The following ADGRD1 variants were observed in gnomAD, a reference collection of about 807,000 sequenced individuals.
The protein encoded by ADGRD1 is adhesion G protein-coupled receptor D1, also known as G-protein coupled receptor 133.
A neutral mutation model predicts 113.4 loss-of-function variants in ADGRD1; 77 were observed. The observed-to-expected ratio is 0.68, with a 90% CI of 0.57 to 0.82. ADGRD1 has a LOEUF of 0.82. ADGRD1 is among the 40% of genes least tolerant of loss of function. ADGRD1 has a pLI of 0.00. For synonymous variants in ADGRD1, 474 were observed against 475.0 expected (o/e 1.00, Z 0.03); for missense variants, 1,036 against 1,139.1 (o/e 0.91, Z 1.30).
intron 2 of ADGRD1, chr12:130,956,636 G>C (rs1407509037): frequency 2.0e-5 from 3 of 152,344 alleles, no homozygotes; most frequent in Non-Finnish European, 4.4e-5. Context: ...AGGCAGAGCT[G>C]TGCACCCGGC....
Position 130,954,632 on chromosome 12 carries a change from C to T in ADGRD1, c.75C>T (p.Gly25=). 1 of 1,613,706 alleles carries T rather than the reference C, an allele frequency of 6.2e-7. No individual in the cohort carries two copies. The part of the protein sequence containing the change: ...LLFYYNFQVR[G]VYSRSQDHPG... ...TGGTCTTTTGTGCGCAGGTGCGTGGCGTCTACTCCAGATCGCAGGACCATC... is the reference window on the plus strand; with the variant it reads ...TGGTCTTTTGTGCGCAGGTGCGTGGTGTCTACTCCAGATCGCAGGACCATC... The change falls in exon 2 of 25, where the codon GGC becomes GGT. Residue 25 remains glycine, a synonymous_variant. Coordinates refer to ENST00000261654, the MANE Select transcript of ADGRD1 (RefSeq NM_198827.5). This position sits in a 1 kb window ranked among gnomAD's most constrained non-coding sequence, Gnocchi z 4.7.
intron 20 of ADGRD1, among the ~76,000 whole-genome samples, chr12:131,130,757 G>T (rs552286318): frequency 6.7e-6 from 1 of 150,054 alleles, no homozygotes; most frequent in African/African-American, 2.5e-5. Context: ...TCCCGTGCGG[G>T]GGGAGAGCGA....
chr12:130,961,117 C>T (rs1870302776), intron 2 of ADGRD1, among the ~76,000 whole-genome samples: 1 of 152,148 alleles, frequency 6.6e-6, no homozygotes, highest in Admixed American at 6.5e-5. Flanking sequence ...AGATTATTTC[C>T]CTGCAGGAAA....
intron 4 of ADGRD1, among the ~76,000 whole-genome samples, chr12:130,976,350 A>G (rs144350589): frequency 6.6e-6 from 1 of 152,318 alleles, no homozygotes; most frequent in East Asian, 1.9e-4. Context: ...AGAGGATGCA[A>G]GATGAGCCTG....
chr12:130,984,831 T>TCCTTCTTGCCTTCCATCCTC lies in ADGRD1; in HGVS notation c.491-2259_491-2240dup, dbSNP rs1873441841. Among the ~76,000 whole-genome samples, 1 of 146,920 alleles carries TCCTTCTTGCCTTCCATCCTC rather than the reference T, an allele frequency of 6.8e-6. No homozygotes were observed. Among genetic ancestry groups the TCCTTCTTGCCTTCCATCCTC allele is most frequent in the African/African-American group, 2.5e-5 (1 of 40,394 alleles). ...TCCCTTCCTCCCTCCCTTCCTTCCT[T>TCCTTCTTGCCTTCCATCCTC]CCTTCTTGCCTTCCATCCTCCCTTG... On this transcript the variant is annotated intron_variant, in intron 5 of 24. Coordinates refer to ENST00000261654, the MANE Select transcript of ADGRD1 (RefSeq NM_198827.5). The surrounding 1 kb of genome is among the most constrained non-coding windows in gnomAD (Gnocchi z 4.1).
intron 17 of ADGRD1, among the ~76,000 whole-genome samples, chr12:131,108,147 T>C (rs781097011): frequency 1.1e-4 from 17 of 152,210 alleles, no homozygotes; most frequent in Non-Finnish European, 1.8e-4. Flanking sequence ...CTGAGCCCTA[T>C]TGAGGGGAAG....
intron 13 of ADGRD1, among the ~76,000 whole-genome samples, chr12:131,053,239 C>T (rs1374261587): frequency 6.6e-6 from 1 of 152,254 alleles, no homozygotes; most frequent in Non-Finnish European, 1.5e-5. Flanking sequence ...TGGTGATGGC[C>T]TGGGCCCTCT....
At chr12:131,102,381 A>G (rs541826595) in intron 15 of ADGRD1, among the ~76,000 whole-genome samples, 1 of 152,218 alleles carries the variant, frequency 6.6e-6, no homozygotes, top group African/African-American at 2.4e-5. Context: ...TGTTTTGCCA[A>G]ACATACTCGG....
At chr12:130,983,423 C>T (rs916203122) in intron 5 of ADGRD1, among the ~76,000 whole-genome samples, 3 of 152,168 alleles carry the variant, frequency 2.0e-5, no homozygotes, top group Admixed American at 2.0e-4. Context: ...TGAACCTTTT[C>T]CGTGACCTTC....
intron 14 of ADGRD1, among the ~76,000 whole-genome samples, chr12:131,079,496 T>G (rs1885902457): frequency 6.6e-6 from 1 of 152,198 alleles, no homozygotes; most frequent in Admixed American, 6.5e-5. Context: ...ATCGAGGTAA[T>G]GATACCTTTA....
At chr12:131,069,757 A>C (rs184931173) in intron 13 of ADGRD1, 103 of 152,366 alleles carry the variant, frequency 6.8e-4, no homozygotes, top group African/African-American at 2.4e-3. Context: ...GGTCTTAGAA[A>C]ATATCTTATA....
Position 131,139,373 on chromosome 12 carries a change from G to C in ADGRD1, c.*110G>C. The C allele has an allele frequency of 1.3e-6, 1 of 743,464 alleles. No individual in the cohort carries two copies. The highest frequency in any genetic ancestry group is 1.7e-5 in the African/African-American group (1 of 58,040). 46.1% of individuals were successfully genotyped at this position (743,464 alleles called of 1,614,324 possible). On this transcript the variant is annotated 3_prime_UTR_variant, in exon 25 of 25. Coordinates refer to ENST00000261654, the MANE Select transcript of ADGRD1 (RefSeq NM_198827.5). Reference sequence around the variant, plus strand: ...CCTCTCCTTGCTGCTGTCTGGACATGGGTGTTGTGGCCCCGAGACAGCTGT... The same window carrying C: ...CCTCTCCTTGCTGCTGTCTGGACATCGGTGTTGTGGCCCCGAGACAGCTGT...
At chr12:131,093,863 G>T (rs1223233442) in intron 15 of ADGRD1, among the ~76,000 whole-genome samples, 3 of 152,340 alleles carry the variant, frequency 2.0e-5, no homozygotes, top group Non-Finnish European at 4.4e-5. Flanking sequence ...GCTGTGACAT[G>T]GGTGGGACCC....
At chr12:131,110,752 T>C (rs1290648548) in intron 18 of ADGRD1, among the ~76,000 whole-genome samples, 2 of 152,242 alleles carry the variant, frequency 1.3e-5, no homozygotes, top group South Asian at 2.1e-4. Context: ...AGATTACTTT[T>C]TGGGGTCATT....
chr12:131,065,269 G>C (rs1240596126), intron 13 of ADGRD1, among the ~76,000 whole-genome samples: 3 of 152,236 alleles, frequency 2.0e-5, no homozygotes, highest in African/African-American at 7.2e-5. Flanking sequence ...GGCTTGGGAA[G>C]CGATTGACCA....
chr12:131,009,225 A>G (rs1176895841), intron 12 of ADGRD1, among the ~76,000 whole-genome samples: 4 of 152,248 alleles, frequency 2.6e-5, no homozygotes, highest in Admixed American at 6.5e-5. Flanking sequence ...CTCCTGTGGC[A>G]TACTCCTGTC....
intron 23 of ADGRD1, 70 bp downstream of exon 23, chr12:131,137,084 A>G: frequency 8.2e-7 from 1 of 1,220,608 alleles, no homozygotes; most frequent in Non-Finnish European, 1.2e-6. Flanking sequence ...TCACAGGAGC[A>G]GGAACAGCGC....
At chr12:131,102,594 C>T (rs533041882) in intron 15 of ADGRD1, among the ~76,000 whole-genome samples, 2 of 152,264 alleles carry the variant, frequency 1.3e-5, no homozygotes, top group Admixed American at 6.5e-5. Context: ...TGGGCAGAGT[C>T]GGTGTGAGTT....
chr12:130,996,882 G>T (rs1349304404), intron 8 of ADGRD1, among the ~76,000 whole-genome samples: 2 of 123,704 alleles, frequency 1.6e-5, no homozygotes, highest in African/African-American at 6.3e-5. Context: ...CGGGCAGAGG[G>T]GCTCCTCACT....
Sources: gnomAD v4.1 joint callset for allele counts (sites outside exome capture counted in the v4.1 genomes callset) on GRCh38, gnomAD v4.1.1 for gene constraint, Gnocchi (gnomAD v3.1) non-coding constraint, MANE v1.5 for transcripts, NCBI Gene and HGNC (gene_info 2026-07-23, HGNC 2026-07-21) for gene names.